PLPP4: variants seen among roughly 807,000 people sequenced by gnomAD.
PLPP4 encodes the protein diacylglycerol pyrophosphate like 2.
A neutral mutation model predicts 32.2 loss-of-function variants in PLPP4; 20 were observed. That is an observed-to-expected ratio of 0.62 (90% CI 0.44 to 0.90). The LOEUF (loss-of-function observed/expected upper bound fraction) is 0.90. Ranked by LOEUF, PLPP4 falls within the 40% of genes least tolerant of loss-of-function variation. PLPP4 has a pLI of 0.00. For synonymous variants in PLPP4, 127 were observed against 133.0 expected, an observed-to-expected ratio of 0.95 and a Z score of 0.31; for missense variants, 257 against 353.1, an observed-to-expected ratio of 0.73 and a Z score of 2.18.
intron 6 of PLPP4, among the ~76,000 whole-genome samples, chr10:120,588,875 G>C (rs764854707): frequency 5.3e-5 from 8 of 152,166 alleles, no homozygotes; most frequent in Non-Finnish European, 1.0e-4. Flanking sequence ...GTGAAACCCT[G>C]CCTCTACTAA....
chr10:120,578,547 C>T (rs1165277417), intron 6 of PLPP4, among the ~76,000 whole-genome samples: 1 of 152,192 alleles, frequency 6.6e-6, no homozygotes, highest in Non-Finnish European at 1.5e-5. Context: ...CATCCAATTA[C>T]TCGATTACAC....
At chr10:120,531,909 T>TAC (rs1564820990) in intron 5 of PLPP4, among the ~76,000 whole-genome samples, 2 of 151,522 alleles carry the variant, frequency 1.3e-5, no homozygotes, top group African/African-American at 2.4e-5. Flanking sequence ...TATATATATA[T>TAC]ACACACATAC....
intron 5 of PLPP4, among the ~76,000 whole-genome samples, chr10:120,553,558 G>C (rs1257562805): frequency 6.6e-6 from 1 of 152,194 alleles, no homozygotes; most frequent in Non-Finnish European, 1.5e-5. Flanking sequence ...ATTTGTTATA[G>C]CAGTCCCAAT....
intron 1 of PLPP4, among the ~76,000 whole-genome samples, chr10:120,499,441 T>A (rs950604984): frequency 1.3e-5 from 2 of 151,874 alleles, no homozygotes; most frequent in African/African-American, 4.8e-5. Flanking sequence ...ACAACCACAA[T>A]TACTTTTGCA....
chr10:120,552,162 TGG>T (rs1430350545), intron 5 of PLPP4, among the ~76,000 whole-genome samples: 1 of 79,618 alleles, frequency 1.3e-5, no homozygotes, highest in Non-Finnish European at 2.8e-5. Context: ...TTAGTGGTGG[TGG>T]GGTGTGTGTG....
At chr10:120,486,635 A>G (rs1844469920) in intron 1 of PLPP4, among the ~76,000 whole-genome samples, 1 of 152,190 alleles carries the variant, frequency 6.6e-6, no homozygotes, top group Admixed American at 6.5e-5. Flanking sequence ...TAGGGAGGAG[A>G]ATGTGGTTTC....
intron 3 of PLPP4, among the ~76,000 whole-genome samples, chr10:120,516,496 T>C (rs1845940158): frequency 1.1e-5 from 1 of 92,752 alleles, no homozygotes; most frequent in Non-Finnish European, 2.2e-5. Context: ...AAAAGCACGA[T>C]AGTGCTGAAT....
intron 1 of PLPP4, among the ~76,000 whole-genome samples, chr10:120,466,740 T>G (rs1332160931): frequency 2.2e-5 from 3 of 135,390 alleles, no homozygotes; most frequent in Non-Finnish European, 4.9e-5. Flanking sequence ...CACCTGAGCC[T>G]CCTCGTCTGT....
chr10:120,589,548 AC>A lies in PLPP4; in HGVS notation c.*49del, dbSNP rs781316358. 1.9e-5 allele frequency: 28 copies of A among 1,443,272 alleles called. No individual in the cohort carries two copies. Among genetic ancestry groups the A allele is most frequent in the Non-Finnish European group, 2.4e-5 (25 of 1,033,472 alleles). The allele number at this position is 1,443,272 out of a possible 1,614,324, so 89.4% of individuals were successfully genotyped here. On this transcript the variant is annotated 3_prime_UTR_variant, in exon 7 of 7. Transcript: ENST00000398250. Reference sequence around the variant, plus strand: ...ACACTAAGCCCTGGGCACATCTGCCACCCTGACATCATAACACAATAGAAAT... The same window carrying A: ...ACACTAAGCCCTGGGCACATCTGCCACCTGACATCATAACACAATAGAAAT...
Position 120,468,430 on chromosome 10 carries a change from C to T in PLPP4, c.56+11069C>T, listed in dbSNP as rs1400398563. On this transcript the variant is annotated intron_variant, in intron 1 of 6. Transcript: ENST00000398250. ...GATAAAAGCAGATTAGAAAAGTGTG[C>T]GTGATGCTATTTTAATGTGGTAATG... Among the ~76,000 whole-genome samples, 8 of 65,082 alleles carry T rather than the reference C, an allele frequency of 1.2e-4. 3 individuals are homozygous for T. Among genetic ancestry groups the T allele is most frequent in the Non-Finnish European group, 3.1e-4 (7 of 22,316 alleles). The allele number at this position is 65,082 out of a possible 152,430, so 42.7% of individuals were successfully genotyped here.
chr10:120,472,734 A>C (rs1848574377), intron 1 of PLPP4, among the ~76,000 whole-genome samples: 1 of 151,974 alleles, frequency 6.6e-6, no homozygotes, highest in African/African-American at 2.4e-5. Context: ...TATATTAGAC[A>C]GTTTGATAAT....
intron 3 of PLPP4, among the ~76,000 whole-genome samples, chr10:120,514,402 C>T (rs1249714251): frequency 6.6e-6 from 1 of 152,170 alleles, no homozygotes; most frequent in Non-Finnish European, 1.5e-5. Flanking sequence ...ACCACAGACT[C>T]CTCGACCAAA....
chr10:120,544,190 A>G (rs994149428), intron 5 of PLPP4, among the ~76,000 whole-genome samples: 2 of 152,194 alleles, frequency 1.3e-5, no homozygotes, highest in Admixed American at 1.3e-4. Context: ...AGGAACCACT[A>G]TACTGCTTTC....
intron 6 of PLPP4, among the ~76,000 whole-genome samples, chr10:120,588,710 T>C (rs1849877108): frequency 6.6e-6 from 1 of 152,176 alleles, no homozygotes; most frequent in Non-Finnish European, 1.5e-5. Flanking sequence ...AAATCAGAAA[T>C]ACAAATCTGA....
intron 5 of PLPP4, among the ~76,000 whole-genome samples, chr10:120,558,442 T>C (rs1269967979): frequency 6.7e-6 from 1 of 149,006 alleles, no homozygotes; most frequent in East Asian, 2.0e-4. Flanking sequence ...GGAATTTTGC[T>C]CTGTCACTCA....
At chr10:120,581,632 G>A (rs770589931) in intron 6 of PLPP4, among the ~76,000 whole-genome samples, 6 of 152,074 alleles carry the variant, frequency 3.9e-5, no homozygotes, top group Non-Finnish European at 7.4e-5. Flanking sequence ...GAACAGGCCC[G>A]TCCCATCCCA....
intron 1 of PLPP4, among the ~76,000 whole-genome samples, chr10:120,475,310 G>T (rs1239720871): frequency 6.6e-6 from 1 of 151,280 alleles, no homozygotes; most frequent in African/African-American, 2.4e-5. Context: ...TTGTTGCTCA[G>T]TGGCAGAGCT....
intron 1 of PLPP4, among the ~76,000 whole-genome samples, chr10:120,494,413 G>C (rs1236455182): frequency 6.6e-6 from 1 of 152,202 alleles, no homozygotes; most frequent in African/African-American, 2.4e-5. Context: ...ATCCAACCCA[G>C]GAGAGCTGCC....
rs1170776082 is a variant in PLPP4, at chr10:120,512,787, T to G, written c.166-1124T>G. ...GAGATCACTCCACTGCACTCCAGCC[T>G]GGTGACAGAGTGAGACTCTATCTAA... On this transcript the variant is annotated intron_variant, in intron 2 of 6. Transcript: ENST00000398250. 2.0e-5 allele frequency among the ~76,000 whole-genome samples: 3 copies of G among 152,054 alleles called. No homozygotes were observed. The East Asian group carries it at 5.8e-4, about 29-fold the overall frequency.
Sources: allele counts gnomAD v4.1 joint callset (sites outside exome capture counted in the v4.1 genomes callset), GRCh38; gene constraint gnomAD v4.1.1; transcripts MANE v1.5; gene names NCBI Gene and HGNC (gene_info 2026-07-23, HGNC 2026-07-21).